SLC2A13: variants seen among roughly 807,000 people sequenced by gnomAD.
SLC2A13 encodes proton myo-inositol cotransporter.
A neutral mutation model predicts 64.4 loss-of-function variants in SLC2A13; 32 were observed. The ratio of observed to expected loss-of-function variants is 0.50; its 90% CI spans 0.37 to 0.67. The LOEUF (loss-of-function observed/expected upper bound fraction) is 0.67. Among genes scored for constraint, SLC2A13 ranks in the 30% least tolerant of loss-of-function variants. SLC2A13 has a pLI of 0.00. For synonymous variants in SLC2A13, 338 were observed against 327.1 expected (o/e 1.03, Z -0.36); for missense variants, 743 against 829.2 (o/e 0.90, Z 1.28).
At chr12:39,909,789 C>G (rs1199662487) in intron 4 of SLC2A13, among the ~76,000 whole-genome samples, 1 of 151,440 alleles carries the variant, frequency 6.6e-6, no homozygotes, top group Non-Finnish European at 1.5e-5. Context: ...AAACGAGAAA[C>G]AGTAGGTAAT....
chr12:39,926,949 T>C (rs1945741266), intron 4 of SLC2A13, among the ~76,000 whole-genome samples: 1 of 152,134 alleles, frequency 6.6e-6, no homozygotes, highest in Non-Finnish European at 1.5e-5. Context: ...TTTTTAGAGG[T>C]TTCATTTATA....
intron 5 of SLC2A13, among the ~76,000 whole-genome samples, chr12:39,865,255 C>G (rs1943878296): frequency 1.3e-5 from 2 of 152,170 alleles, no homozygotes; most frequent in African/African-American, 4.8e-5. Flanking sequence ...GCACGAAAGA[C>G]AATAGATTTC....
chr12:39,843,711 G>A (rs1314956781), intron 6 of SLC2A13, among the ~76,000 whole-genome samples: 1 of 152,026 alleles, frequency 6.6e-6, no homozygotes, highest in Non-Finnish European at 1.5e-5. Flanking sequence ...TGAAGTGAGA[G>A]GTGGCATCCC....
chr12:39,811,907 T>C (rs1942174184), intron 7 of SLC2A13, among the ~76,000 whole-genome samples: 1 of 152,218 alleles, frequency 6.6e-6, no homozygotes, highest in Non-Finnish European at 1.5e-5. Flanking sequence ...AGTTTCTGTC[T>C]TTTATTGGAG....
rs1225743748 is a variant in SLC2A13, at chr12:39,755,401, T to G, written c.*4625A>C. The G allele has an allele frequency of 6.6e-6, 1 of 152,090 alleles. No homozygotes were observed. Among genetic ancestry groups the G allele is most frequent in the Admixed American group, 6.6e-5 (1 of 15,242 alleles). The allele number at this position is 152,090 out of a possible 1,614,324, so 9.4% of individuals were successfully genotyped here. ...ATTTTAAAAGCATAAAACTGTGATTTGATTTAATCTAGGTATACATTAGAG... is the reference window on the plus strand; with the variant it reads ...ATTTTAAAAGCATAAAACTGTGATTGGATTTAATCTAGGTATACATTAGAG... On this transcript the variant is annotated 3_prime_UTR_variant, in exon 10 of 10. Coordinates refer to ENST00000280871, the MANE Select transcript of SLC2A13 (RefSeq NM_052885.4).
chr12:40,010,848 A>T (rs1225899941), intron 3 of SLC2A13, among the ~76,000 whole-genome samples: 1 of 152,176 alleles, frequency 6.6e-6, no homozygotes, highest in Non-Finnish European at 1.5e-5. Flanking sequence ...AACAGACCGC[A>T]TCACAAGTGC....
At chr12:39,815,504 C>T (rs769707349) in intron 7 of SLC2A13, among the ~76,000 whole-genome samples, 7 of 152,198 alleles carry the variant, frequency 4.6e-5, no homozygotes, top group Non-Finnish European at 7.3e-5. Flanking sequence ...CTAACATTCA[C>T]ATGCACTGAG....
chr12:39,833,893 A>T (rs894916445), intron 6 of SLC2A13, among the ~76,000 whole-genome samples: 58 of 120,122 alleles, frequency 4.8e-4, no homozygotes, highest in East Asian at 3.4e-3. Context: ...GCATGGTCAT[A>T]AAAAAAAAAA....
At chr12:39,864,721 C>A in intron 6 of SLC2A13, 41 bp downstream of exon 6, 2 of 1,599,600 alleles carry the variant, frequency 1.3e-6, no homozygotes, top group Non-Finnish European at 1.7e-6. Flanking sequence ...AAAAAAGTTA[C>A]CAGAGTCATG....
intron 2 of SLC2A13, among the ~76,000 whole-genome samples, chr12:40,034,533 C>T (rs1947949169): frequency 6.6e-6 from 1 of 152,072 alleles, no homozygotes; most frequent in Non-Finnish European, 1.5e-5. Flanking sequence ...AATGAAAAAA[C>T]TGTATCTGTA....
chr12:40,030,674 A>G (rs1183680768), intron 2 of SLC2A13, among the ~76,000 whole-genome samples: 1 of 152,204 alleles, frequency 6.6e-6, no homozygotes, highest in South Asian at 2.1e-4. Context: ...GCACTCTGCT[A>G]CTTGCTATTA....
chr12:40,027,141 C>A (rs988716484), intron 3 of SLC2A13, among the ~76,000 whole-genome samples: 2 of 151,474 alleles, frequency 1.3e-5, no homozygotes, highest in Admixed American at 6.6e-5. Context: ...TAGACAGGAG[C>A]ATAAAATAAG....
At chr12:40,053,599 C>A (rs1948293099) in intron 1 of SLC2A13, among the ~76,000 whole-genome samples, 1 of 152,118 alleles carries the variant, frequency 6.6e-6, no homozygotes, top group Non-Finnish European at 1.5e-5. Flanking sequence ...CTCTTCCCTG[C>A]CACTATTGCC....
At chr12:39,953,046 G>A (rs914796568) in intron 3 of SLC2A13, among the ~76,000 whole-genome samples, 33 of 151,990 alleles carry the variant, frequency 2.2e-4, no homozygotes, top group African/African-American at 7.7e-4. Context: ...TTTCTCAGAT[G>A]AGAAATTAGT....
At chr12:40,000,039 C>T (rs977065050) in intron 3 of SLC2A13, among the ~76,000 whole-genome samples, 1 of 152,118 alleles carries the variant, frequency 6.6e-6, no homozygotes, top group Non-Finnish European at 1.5e-5. Context: ...AATATTGGGG[C>T]CTGTTTCTCC....
rs757513266 is a variant in SLC2A13 at position 39,871,916 on chromosome 12, A to G, written c.1080T>C (p.Asp360=). ...CTGAAGCCAGCCATATTGCAAGTCTATCATCTTCAACACCAGACATCTGCA... is the reference window on the plus strand; with the variant it reads ...CTGAAGCCAGCCATATTGCAAGTCTGTCATCTTCAACACCAGACATCTGCA... The part of the protein sequence containing the change: ...TILQMSGVED[D]RLAIWLASVT... Residue 360 remains aspartate, a synonymous_variant, in exon 5 of 10, where the codon GAT becomes GAC. Transcript: ENST00000280871. 2.5e-6 allele frequency: 4 copies of G among 1,610,588 alleles called. No individual in the cohort carries two copies. Among genetic ancestry groups the G allele is most frequent in the Admixed American group, 1.7e-5 (1 of 59,418 alleles).
intron 7 of SLC2A13, among the ~76,000 whole-genome samples, chr12:39,772,055 C>T (rs1309780669): frequency 2.6e-5 from 4 of 152,050 alleles, no homozygotes; most frequent in Admixed American, 2.0e-4. Flanking sequence ...ATATTCTCTC[C>T]TCCTCTCAAC....
chr12:40,055,823 T>C lies in SLC2A13; in HGVS notation c.557-7613A>G, dbSNP rs191765995. 2.4e-3 allele frequency among the ~76,000 whole-genome samples: 371 copies of C among 152,188 alleles called. 3 individuals carry two copies. Among genetic ancestry groups the C allele is most frequent in the Middle Eastern group, 0.01 (3 of 294 alleles). ...TCTACAAATCTATAGTTTTCACTCATACAGCATTTTCCTTCTCTTTAAAAT... is the reference window on the plus strand; with the variant it reads ...TCTACAAATCTATAGTTTTCACTCACACAGCATTTTCCTTCTCTTTAAAAT... On this transcript the variant is annotated intron_variant, in intron 1 of 9. Transcript: ENST00000280871.
At position 39,871,928 on chromosome 12, in the gene SLC2A13, A is replaced by C. The variant is rs1221004495; in HGVS notation, c.1068T>G (p.Gly356=). ...YYSATILQMS[G]VEDDRLAIWL... ...ATATTGCAAGTCTATCATCTTCAAC[A>C]CCAGACATCTGCAGAATGGTTGCAC... The change falls in exon 5 of 10, where the codon GGT becomes GGG. Residue 356 remains glycine, a synonymous_variant. Transcript: ENST00000280871. 2 of 1,609,824 alleles carry C rather than the reference A, an allele frequency of 1.2e-6. No homozygotes were observed. Among genetic ancestry groups the C allele is most frequent in the South Asian group, 1.1e-5 (1 of 90,118 alleles).
Sources: allele counts gnomAD v4.1 joint callset (sites outside exome capture counted in the v4.1 genomes callset), GRCh38; gene constraint gnomAD v4.1.1; transcripts MANE v1.5; gene names NCBI Gene and HGNC (gene_info 2026-07-23, HGNC 2026-07-21).